Variants in LRP1B observed in about 807,000 individuals in gnomAD.
LRP1B encodes the protein low-density lipoprotein receptor-related protein 1B.
LRP1B carries 217 observed loss-of-function variants against 556.6 expected under a neutral mutation model. The ratio of observed to expected loss-of-function variants is 0.39; its 90% CI spans 0.35 to 0.44. The LOEUF (loss-of-function observed/expected upper bound fraction) is 0.44. Ranked by LOEUF, LRP1B falls within the 20% of genes least tolerant of loss-of-function variation. LRP1B has a pLI of 1.00. For missense variants in LRP1B, 5,053 were observed against 5,620.8 expected, an observed-to-expected ratio of 0.90 and a Z score of 3.23; for synonymous variants, 2,047 against 1,865.8, an observed-to-expected ratio of 1.10 and a Z score of -2.50.
rs534907957 is a variant in LRP1B, at chr2:141,018,388, G to T, written c.1970+1534C>A. The stretch of plus-strand genomic sequence containing the variant: ...GGTAGGAAGACATGACAGGGATGCA[G>T]ATATTGTCTCAATGAAAAAAATATT... On this transcript the variant is annotated intron_variant, in intron 12 of 90. Coordinates refer to ENST00000389484, the MANE Select transcript of LRP1B (RefSeq NM_018557.3). Among the ~76,000 whole-genome samples, 6 of 152,174 alleles carry T rather than the reference G, an allele frequency of 3.9e-5. No individual in the cohort carries two copies. The South Asian group carries it at 8.3e-4, about 21-fold the overall frequency.
At chr2:141,479,995 A>G (rs144153646) in intron 3 of LRP1B, among the ~76,000 whole-genome samples, 20 of 152,330 alleles carry the variant, frequency 1.3e-4, no homozygotes, top group African/African-American at 3.4e-4. Flanking sequence ...TTGACGAAGC[A>G]TTCCTTCAAA....
intron 35 of LRP1B, among the ~76,000 whole-genome samples, chr2:140,740,998 T>C (rs1345805820): frequency 2.0e-5 from 3 of 152,170 alleles, no homozygotes; most frequent in African/African-American, 7.2e-5. Context: ...ATAATAGGTA[T>C]CTTCATGCCT....
rs532330758 is a variant in LRP1B, at chr2:141,257,379, G to A, written c.344-2738C>T. ...TGAGTCAAATTTATTATTTTTCCAT[G>A]TAATCCCTGGAGCCCAGCTGCACCT... is the stretch of plus-strand genomic sequence containing the variant. On this transcript the variant is annotated intron_variant, in intron 3 of 90. Transcript: ENST00000389484. Among the ~76,000 whole-genome samples, 234 of 152,224 alleles carry A rather than the reference G, an allele frequency of 1.5e-3. 1 individual carries two copies. Among genetic ancestry groups the A allele is most frequent in the African/African-American group, 5.1e-3 (214 of 41,562 alleles).
intron 2 of LRP1B, among the ~76,000 whole-genome samples, chr2:141,800,057 G>C (rs890980932): frequency 6.6e-6 from 1 of 151,984 alleles, no homozygotes; most frequent in Non-Finnish European, 1.5e-5. Flanking sequence ...TTTCGTCTTT[G>C]GCATATTTAT....
chr2:140,492,208 C>T (rs917726064), intron 57 of LRP1B, among the ~76,000 whole-genome samples: 18 of 151,896 alleles, frequency 1.2e-4, no homozygotes, highest in Non-Finnish European at 1.0e-4. Context: ...GAAAAATGAA[C>T]GAAACTATTA....
chr2:140,775,692 T>C (rs1689470713), intron 33 of LRP1B, among the ~76,000 whole-genome samples: 1 of 152,100 alleles, frequency 6.6e-6, no homozygotes, highest in South Asian at 2.1e-4. Flanking sequence ...AAAAGCAAAA[T>C]GATTACAGCC....
At chr2:141,268,169 A>T (rs2105363835) in intron 3 of LRP1B, among the ~76,000 whole-genome samples, 1 of 152,322 alleles carries the variant, frequency 6.6e-6, no homozygotes, top group Non-Finnish European at 1.5e-5. Flanking sequence ...AAAAAATGCC[A>T]ACTGTGTGTT....
At chr2:141,422,429 T>C (rs1680178488) in intron 3 of LRP1B, among the ~76,000 whole-genome samples, 1 of 152,226 alleles carries the variant, frequency 6.6e-6, no homozygotes, top group South Asian at 2.1e-4. Flanking sequence ...TTTTCTGTCT[T>C]TAAATCTATT....
chr2:141,957,996 CTCTGTGAGTGTTGTAA>C (rs1165057388), intron 1 of LRP1B, among the ~76,000 whole-genome samples: 3 of 151,972 alleles, frequency 2.0e-5, no homozygotes, highest in African/African-American at 7.2e-5. Context: ...TGCAAGTATT[CTCTGTGAGTGTTGTAA>C]TCTCAATCCT....
chr2:141,984,161 GT>G (rs75115384), intron 1 of LRP1B, among the ~76,000 whole-genome samples: 45,859 of 151,918 alleles, frequency 0.3, 7,198 homozygotes, highest in African/African-American at 0.39. Context: ...TAATATCTGA[GT>G]TTTTTTTAAA....
intron 41 of LRP1B, among the ~76,000 whole-genome samples, chr2:140,659,407 G>A (rs1006770136): frequency 7.9e-5 from 12 of 151,942 alleles, no homozygotes; most frequent in African/African-American, 2.7e-4. Context: ...CTCGATTACA[G>A]CTAATGGAGT....
intron 3 of LRP1B, among the ~76,000 whole-genome samples, chr2:141,264,154 G>A (rs530615293): frequency 4.6e-5 from 7 of 151,922 alleles, no homozygotes; most frequent in East Asian, 1.9e-4. Flanking sequence ...TAAGTAAAAC[G>A]GTTTCTGTTT....
intron 3 of LRP1B, among the ~76,000 whole-genome samples, chr2:141,346,135 T>C (rs1173348388): frequency 1.3e-5 from 2 of 152,038 alleles, no homozygotes; most frequent in Non-Finnish European, 2.9e-5. Context: ...TTTTCTTCCA[T>C]GTTTTGTTTG....
chr2:142,060,418 A>G (rs1209865333), intron 1 of LRP1B, among the ~76,000 whole-genome samples: 3 of 152,086 alleles, frequency 2.0e-5, no homozygotes, highest in Admixed American at 6.6e-5. Context: ...CAGGGACACT[A>G]TATCTCCCAG....
intron 1 of LRP1B, among the ~76,000 whole-genome samples, chr2:142,038,255 T>C (rs1260451366): frequency 1.3e-5 from 2 of 151,592 alleles, no homozygotes; most frequent in African/African-American, 2.4e-5. Flanking sequence ...TAAATGGTGA[T>C]GCCTTGAATG....
chr2:140,826,902 T>C (rs1424543555), intron 31 of LRP1B, among the ~76,000 whole-genome samples: 2 of 152,052 alleles, frequency 1.3e-5, no homozygotes, highest in Non-Finnish European at 2.9e-5. Flanking sequence ...AAAGTAGCTA[T>C]TTAGCAGCAA....
intron 1 of LRP1B, among the ~76,000 whole-genome samples, chr2:141,857,340 TTTTA>T (rs1698086428): frequency 6.6e-6 from 1 of 152,036 alleles, no homozygotes; most frequent in South Asian, 2.1e-4. Flanking sequence ...CTCCATTTTA[TTTTA>T]TTTATTTATG....
rs557605644 is a variant in LRP1B, at chr2:140,352,164, C to CT, written c.11650+788dup. 3.2e-4 allele frequency among the ~76,000 whole-genome samples: 48 copies of CT among 151,984 alleles called. No individual in the cohort carries two copies. In the East Asian group the frequency reaches 7.0e-3, roughly 22 times the overall value. On this transcript the variant is annotated intron_variant, in intron 76 of 90. Transcript: ENST00000389484. ...CCAGAACCCTAGTTTATCATTTAAT[C>CT]TTTTTTTGTTTGTTTGTTTTTCTTT...
At chr2:140,434,656 T>A (rs897466399) in intron 66 of LRP1B, among the ~76,000 whole-genome samples, 5 of 152,136 alleles carry the variant, frequency 3.3e-5, no homozygotes, top group Non-Finnish European at 7.4e-5. Context: ...CCTAATTATA[T>A]GAAAAACCTA....
Sources: allele counts gnomAD v4.1 joint callset (sites outside exome capture counted in the v4.1 genomes callset), GRCh38; gene constraint gnomAD v4.1.1; transcripts MANE v1.5; gene names NCBI Gene and HGNC (gene_info 2026-07-23, HGNC 2026-07-21).